Variants in FBXL20 observed in about 807,000 individuals in gnomAD.
FBXL20 encodes the protein F-box and leucine rich repeat protein 20, also known as F-box/LRR-repeat protein 20.
In FBXL20, 11 loss-of-function variants were observed where a neutral mutation model predicts 64.0. The ratio of observed to expected loss-of-function variants is 0.17; its 90% CI spans 0.11 to 0.28. FBXL20 has a LOEUF of 0.28. Ranked by LOEUF, FBXL20 falls within the 10% of genes least tolerant of loss-of-function variation. The pLI is 1.00. For missense variants in FBXL20, 303 were observed against 526.2 expected, an observed-to-expected ratio of 0.58 and a Z score of 4.15; for synonymous variants, 184 against 189.0, an observed-to-expected ratio of 0.97 and a Z score of 0.22.
intron 9 of FBXL20, among the ~76,000 whole-genome samples, chr17:39,277,991 G>A (rs907524429): frequency 2.0e-5 from 3 of 151,986 alleles, no homozygotes; most frequent in Non-Finnish European, 4.4e-5. Context: ...GGTTCTTTAC[G>A]TTCACTGTGA....
At chr17:39,392,924 C>G (rs1490922788) in intron 1 of FBXL20, among the ~76,000 whole-genome samples, 1 of 151,562 alleles carries the variant, frequency 6.6e-6, no homozygotes, top group Non-Finnish European at 1.5e-5. Context: ...GAGGTTGAAC[C>G]CAGGAGGCGG....
intron 1 of FBXL20, among the ~76,000 whole-genome samples, chr17:39,355,380 C>T (rs1192626262): frequency 6.6e-6 from 1 of 152,070 alleles, no homozygotes; most frequent in Non-Finnish European, 1.5e-5. Flanking sequence ...ACCTGGCCTT[C>T]TTCATATATT....
At chr17:39,280,263 C>CATGGTG (rs2046937209) in intron 9 of FBXL20, among the ~76,000 whole-genome samples, 1 of 147,544 alleles carries the variant, frequency 6.8e-6, no homozygotes, top group Non-Finnish European at 1.5e-5. Context: ...ATTAGCCGGG[C>CATGGTG]ATGGTGACAC....
At chr17:39,263,874 C>CTTTT in intron 14 of FBXL20, 4 of 159,762 alleles carry the variant, frequency 2.5e-5, no homozygotes, top group East Asian at 2.7e-4. Context: ...GTGGCATGTG[C>CTTTT]TTTTTTTTTT....
At position 39,333,673 on chromosome 17, in the gene FBXL20, C is replaced by T. The variant is rs12427336; in HGVS notation, c.104+9507G>A. 1.4e-3 allele frequency among the ~76,000 whole-genome samples: 218 copies of T among 152,072 alleles called. 2 individuals carry two copies. The highest frequency in any genetic ancestry group is 4.9e-3 in the African/African-American group (203 of 41,476). On this transcript the variant is annotated intron_variant, in intron 2 of 14. Coordinates refer to ENST00000264658, the MANE Select transcript of FBXL20 (RefSeq NM_032875.3). ...CTGGGAAGTGTGGAGCGCCTCTTCC[C>T]GGCCGTCATCCCGTCTAGGAAGTGA...
chr17:39,328,459 T>A (rs73291310), intron 2 of FBXL20, among the ~76,000 whole-genome samples: 4,858 of 152,094 alleles, frequency 0.032, 118 homozygotes, highest in African/African-American at 0.069. Context: ...AGGACACAGT[T>A]GGAAGGGGAT....
intron 1 of FBXL20, among the ~76,000 whole-genome samples, chr17:39,366,639 T>C (rs546468887): frequency 6.6e-6 from 1 of 152,354 alleles, no homozygotes; most frequent in African/African-American, 2.4e-5. Context: ...ATCTGATTGA[T>C]AATTTGGCTT....
intron 4 of FBXL20, among the ~76,000 whole-genome samples, chr17:39,300,139 C>T (rs570796593): frequency 2.0e-5 from 3 of 152,230 alleles, no homozygotes; most frequent in Admixed American, 1.3e-4. Context: ...ATTCTGTGGG[C>T]GGTGTTGCTT....
intron 1 of FBXL20, among the ~76,000 whole-genome samples, chr17:39,375,688 T>C (rs1156352638): frequency 6.6e-6 from 1 of 152,194 alleles, no homozygotes; most frequent in Non-Finnish European, 1.5e-5. Context: ...AAATCAAATT[T>C]TTTTACTTTA....
intron 2 of FBXL20, among the ~76,000 whole-genome samples, chr17:39,333,053 T>C (rs2047477945): frequency 6.6e-6 from 1 of 152,110 alleles, no homozygotes; most frequent in South Asian, 2.1e-4. Flanking sequence ...TCCGCCTGCC[T>C]CAGCCTCCCA....
chr17:39,402,262 C>T, upstream of FBXL20: 2 of 1,078,378 alleles, frequency 1.9e-6, no homozygotes, highest in Non-Finnish European at 2.2e-6. Context: ...GGCAGTGCGG[C>T]TGCCGCCGCG....
intron 6 of FBXL20, among the ~76,000 whole-genome samples, chr17:39,295,682 T>C (rs2144428766): frequency 6.6e-6 from 1 of 152,138 alleles, no homozygotes; most frequent in East Asian, 1.9e-4. Flanking sequence ...CCCTTTTATC[T>C]CTTTCCCTTG....
At chr17:39,266,875 T>C (rs1304477580) in intron 12 of FBXL20, among the ~76,000 whole-genome samples, 3 of 152,242 alleles carry the variant, frequency 2.0e-5, no homozygotes, top group Non-Finnish European at 2.9e-5. Context: ...CCTTGGTAGC[T>C]AGTTGTAGTG....
chr17:39,383,344 G>T (rs992606429), intron 1 of FBXL20, among the ~76,000 whole-genome samples: 9 of 151,996 alleles, frequency 5.9e-5, no homozygotes, highest in African/African-American at 2.2e-4. Flanking sequence ...ACCTTGGTCG[G>T]GTATGATGGC....
At chr17:39,351,168 C>T (rs2047683768) in intron 1 of FBXL20, among the ~76,000 whole-genome samples, 1 of 151,924 alleles carries the variant, frequency 6.6e-6, no homozygotes, top group Non-Finnish European at 1.5e-5. Context: ...AACCCCATCT[C>T]TACTAAAAAT....
intron 9 of FBXL20, among the ~76,000 whole-genome samples, chr17:39,277,994 C>T (rs1432011476): frequency 6.6e-6 from 1 of 152,060 alleles, no homozygotes; most frequent in Admixed American, 6.6e-5. Context: ...TCTTTACGTT[C>T]ACTGTGATTC....
At chr17:39,320,086 T>C (rs1012312912) in intron 2 of FBXL20, among the ~76,000 whole-genome samples, 1 of 152,220 alleles carries the variant, frequency 6.6e-6, no homozygotes, top group Non-Finnish European at 1.5e-5. Context: ...ACAACATACA[T>C]ACACGTACAC....
chr17:39,267,689 T>C (rs767283414), intron 12 of FBXL20, among the ~76,000 whole-genome samples: 1 of 152,216 alleles, frequency 6.6e-6, no homozygotes, highest in African/African-American at 2.4e-5. Context: ...AAATCAGCAC[T>C]TCTTTTCAAA....
At position 39,258,261 on chromosome 17, in the gene FBXL20, T is replaced by G. The variant is rs1273273853; in HGVS notation, c.*3199A>C. On this transcript the variant is annotated 3_prime_UTR_variant, in exon 15 of 15. Coordinates refer to ENST00000264658, the MANE Select transcript of FBXL20 (RefSeq NM_032875.3). ...ATCCCAGATGTTGAGAGAGGAAGCA[T>G]TATGTTCAGATGTCAGGCTCCTTTC... is the stretch of plus-strand genomic sequence containing the variant. 6.6e-6 allele frequency: 1 copy of G among 152,248 alleles called. No homozygotes were observed. Among genetic ancestry groups the G allele is most frequent in the East Asian group, 1.9e-4 (1 of 5,204 alleles). 9.4% of individuals were successfully genotyped at this position (152,248 alleles called of 1,614,324 possible). A position where few individuals can be genotyped will look rare whatever the true frequency, so the allele number is the denominator to read the frequency against.
Sources: gnomAD v4.1 joint callset for allele counts (sites outside exome capture counted in the v4.1 genomes callset) on GRCh38, gnomAD v4.1.1 for gene constraint, MANE v1.5 for transcripts, NCBI Gene and HGNC (gene_info 2026-07-23, HGNC 2026-07-21) for gene names.